RNF17: variants seen among roughly 807,000 people sequenced by gnomAD.
The protein encoded by RNF17 is spermatogenesis associated 23.
In RNF17, 31 loss-of-function variants were observed where a neutral mutation model predicts 200.5. The ratio of observed to expected loss-of-function variants is 0.15; its 90% confidence interval spans 0.12 to 0.21. The LOEUF is 0.21. Ranked by LOEUF, RNF17 falls within the 10% of genes least tolerant of loss-of-function variation. RNF17 has a pLI of 1.00. For synonymous variants in RNF17, 606 were observed against 637.8 expected, an observed-to-expected ratio of 0.95 and a Z score of 0.75; for missense variants, 1,628 against 1,905.1, an observed-to-expected ratio of 0.85 and a Z score of 2.71.
At chr13:24,828,691 G>A (rs1376116468) in intron 16 of RNF17, among the ~76,000 whole-genome samples, 1 of 151,494 alleles carries the variant, frequency 6.6e-6, no homozygotes, top group Non-Finnish European at 1.5e-5. Context: ...ATTCTATTGT[G>A]AGTTCATAAT....
the RNF17 span, among the ~76,000 whole-genome samples, chr13:24,749,307 C>CTTTTTTTTTTTTTTTTTTTTTTT: frequency 2.8e-5 from 3 of 108,028 alleles, no homozygotes; most frequent in Non-Finnish European, 3.5e-5. Flanking sequence ...TTCTTTCTTT[C>CTTTTTTTTTTTTTTTTTTTTTTT]TTTTTTTTTT....
intron 18 of RNF17, among the ~76,000 whole-genome samples, chr13:24,840,731 T>A (rs1890538262): frequency 6.7e-6 from 1 of 149,660 alleles, no homozygotes; most frequent in African/African-American, 2.5e-5. Context: ...CTTTAGGAAC[T>A]TGGGGGTAAA....
At chr13:24,750,915 G>A in the RNF17 span, 1 of 152,058 alleles carries the variant, frequency 6.6e-6, no homozygotes, top group Non-Finnish European at 1.5e-5. Context: ...CGTCTACATA[G>A]TCTTGCTTTC....
At chr13:24,806,609 G>C (rs892514927) in intron 15 of RNF17, among the ~76,000 whole-genome samples, 4 of 152,102 alleles carry the variant, frequency 2.6e-5, no homozygotes, top group African/African-American at 7.2e-5. Context: ...TCATATGTTT[G>C]TTGGTCACAG....
Position 24,845,088 on chromosome 13 carries a change from T to C in RNF17, c.3101+9T>C. ...TCTCTGGTTGACATAAGGTAGTTTT[T>C]AGCTGAGTAATTTTCTCATTATTTT... On this transcript the variant is annotated intron_variant, in intron 22 of 35. Coordinates refer to ENST00000255324, the MANE Select transcript of RNF17 (RefSeq NM_031277.3). The C allele has an allele frequency of 8.1e-7, 1 of 1,236,450 alleles. No homozygotes were observed. 76.6% of individuals were successfully genotyped at this position (1,236,450 alleles called of 1,614,324 possible).
At chr13:24,841,685 G>T (rs1386730045) in intron 18 of RNF17, among the ~76,000 whole-genome samples, 1 of 152,060 alleles carries the variant, frequency 6.6e-6, no homozygotes, top group Non-Finnish European at 1.5e-5. Flanking sequence ...TAGGCTGGGT[G>T]CGGTGGCTCA....
In RNF17 at chr13:24,764,224, G is replaced by C. The variant is rs1879201328; in HGVS notation, c.21G>C (p.Lys7Asn). 1.2e-6 allele frequency: 2 copies of C among 1,602,422 alleles called. No homozygotes were observed. The highest frequency in any genetic ancestry group is 1.7e-6 in the Non-Finnish European group (2 of 1,171,026). The stretch of plus-strand genomic sequence containing the variant: ...CAGCGATGGCGGCAGAGGCTTCGAA[G>C]ACTGGGCCTTCTAGGTCTTCCTACC... Reference protein sequence around the residue: MAAEASKTGPSRSSYQR... With the variant: MAAEASNTGPSRSSYQR... The change falls in exon 1 of 36, where the codon AAG becomes AAC. Residue 7 changes from lysine to asparagine, a missense_variant. Physicochemically the swap from Lys to Asn is moderately conservative, Grantham distance 94. Coordinates refer to ENST00000255324, the MANE Select transcript of RNF17 (RefSeq NM_031277.3).
intron 25 of RNF17, among the ~76,000 whole-genome samples, chr13:24,855,869 A>G (rs1219567289): frequency 2.0e-5 from 3 of 152,014 alleles, no homozygotes; most frequent in Non-Finnish European, 4.4e-5. Context: ...CATTTCTTCT[A>G]TTTGAGTCGT....
At chr13:24,830,351 T>TA (rs751892404) in intron 16 of RNF17, 133 bp from the exon 17 acceptor site, 162 of 559,348 alleles carry the variant, frequency 2.9e-4, no homozygotes, top group Non-Finnish European at 2.1e-4. Flanking sequence ...AAATATTTTT[T>TA]ACATTTTAAA....
intron 13 of RNF17, among the ~76,000 whole-genome samples, chr13:24,802,107 T>G (rs1485341682): frequency 2.0e-5 from 3 of 152,124 alleles, no homozygotes; most frequent in Non-Finnish European, 4.4e-5. Flanking sequence ...TGCCTCAGCC[T>G]CCCGAGTAGC....
chr13:24,784,747 C>G (rs35686849), intron 6 of RNF17, among the ~76,000 whole-genome samples: 3,091 of 152,158 alleles, frequency 0.02, 107 homozygotes, highest in African/African-American at 0.071. Flanking sequence ...CGCTCTGTCA[C>G]CCAGGCTGGA....
chr13:24,753,885 G>T, the RNF17 span, among the ~76,000 whole-genome samples: 1 of 152,170 alleles, frequency 6.6e-6, no homozygotes, highest in African/African-American at 2.4e-5. Context: ...GGCCGGGCGT[G>T]GTGGCTCATG....
intron 31 of RNF17, among the ~76,000 whole-genome samples, chr13:24,869,227 A>T (rs149100677): frequency 4.1e-4 from 63 of 152,334 alleles, no homozygotes; most frequent in Admixed American, 2.6e-3. Context: ...GTTCAATTAC[A>T]TGTCCTTGGC....
chr13:24,767,889 C>A (rs926322526), intron 2 of RNF17, among the ~76,000 whole-genome samples: 2 of 152,110 alleles, frequency 1.3e-5, no homozygotes, highest in Non-Finnish European at 2.9e-5. Context: ...TAAAGTCATA[C>A]ACTTATCGGC....
chr13:24,840,309 A>G (rs1192965876), intron 18 of RNF17, among the ~76,000 whole-genome samples: 1 of 152,204 alleles, frequency 6.6e-6, no homozygotes, highest in Non-Finnish European at 1.5e-5. Context: ...TATGGAAAAC[A>G]GTGTGGAGAT....
the RNF17 span, chr13:24,886,407 A>C: frequency 7.9e-7 from 1 of 1,265,960 alleles, no homozygotes; most frequent in Non-Finnish European, 1.0e-6. Context: ...GAATGGTTCC[A>C]TTACACCATG....
intron 1 of RNF17, among the ~76,000 whole-genome samples, chr13:24,764,852 T>C (rs1274375170): frequency 6.6e-6 from 1 of 150,930 alleles, no homozygotes; most frequent in Non-Finnish European, 1.5e-5. Flanking sequence ...TAAAACACTG[T>C]TTGGAAAATG....
chr13:24,826,376 T>C (rs1010144361), intron 16 of RNF17, among the ~76,000 whole-genome samples: 1 of 152,232 alleles, frequency 6.6e-6, no homozygotes, highest in Non-Finnish European at 1.5e-5. Flanking sequence ...CATTACAGAC[T>C]AAGCTTTTGT....
intron 24 of RNF17, 85 bp from the exon 25 acceptor site, chr13:24,853,770 A>T: frequency 1.0e-6 from 1 of 982,680 alleles, no homozygotes; most frequent in Non-Finnish European, 1.4e-6. Context: ...AATTTCATGT[A>T]TATCTGAATG....
Sources: allele counts gnomAD v4.1 joint callset (sites outside exome capture counted in the v4.1 genomes callset), GRCh38; gene constraint gnomAD v4.1.1; transcripts MANE v1.5; gene names NCBI Gene and HGNC (gene_info 2026-07-23, HGNC 2026-07-21).